RAB11FIP3: variants seen among roughly 807,000 people sequenced by gnomAD.
The protein encoded by RAB11FIP3 is RAB11 family interacting protein 3, also known as rab11 family-interacting protein 3.
A neutral mutation model predicts 77.8 loss-of-function variants in RAB11FIP3; 17 were observed. That is an observed-to-expected ratio of 0.22 (90% confidence interval 0.15 to 0.33). The LOEUF is 0.33. Ranked by LOEUF, RAB11FIP3 falls within the 10% of genes least tolerant of loss-of-function variation. RAB11FIP3 has a pLI of 1.00. For missense variants in RAB11FIP3, 1,005 were observed against 1,011.2 expected (o/e 0.99, Z 0.08); for synonymous variants, 437 against 448.2 (o/e 0.98, Z 0.31).
chr16:468,583 C>A lies in RAB11FIP3; in HGVS notation c.809-2712C>A, dbSNP rs1296336574. ...TGCAGCAGCCTGTGTTGTCTGTCAG[C>A]CCTGTCTGCGTCGAGGAGTGACCAG... On this transcript the variant is annotated intron_variant, in intron 2 of 13. Transcript: ENST00000262305. Among the ~76,000 whole-genome samples, 3 of 152,072 alleles carry A rather than the reference C, an allele frequency of 2.0e-5. 1 individual carries two copies. The highest frequency in any genetic ancestry group is 1.3e-4 in the Admixed American group (2 of 15,274).
intron 2 of RAB11FIP3, among the ~76,000 whole-genome samples, chr16:468,050 GCGTTGGAGGAGGTGCAGGGA>G (rs2055739897): frequency 4.1e-5 from 2 of 49,332 alleles, no homozygotes; most frequent in African/African-American, 7.5e-5. Flanking sequence ...AGGTGCAGGG[GCGTTGGAGGAGGTGCAGGGA>G]AGTGAGGGAG....
intron 3 of RAB11FIP3, chr16:477,517 A>G (rs1219450074): frequency 9.5e-6 from 5 of 523,578 alleles, no homozygotes; most frequent in East Asian, 3.0e-4. Flanking sequence ...AGCCTCTGAC[A>G]GACATCCTGG....
intron 4 of RAB11FIP3, among the ~76,000 whole-genome samples, chr16:488,290 G>A (rs1296307132): frequency 1.3e-5 from 2 of 152,126 alleles, no homozygotes; most frequent in Non-Finnish European, 2.9e-5. Flanking sequence ...GGAGGCAGGA[G>A]AATGACGTGA....
chr16:455,341 G>A (rs75902052), intron 1 of RAB11FIP3, among the ~76,000 whole-genome samples: 121 of 151,776 alleles, frequency 8.0e-4, no homozygotes, highest in African/African-American at 2.7e-3. Flanking sequence ...GGGCGTGGTG[G>A]CACGTGCCTG....
At chr16:491,294 TG>T (rs1225132776) in intron 5 of RAB11FIP3, 1 of 1,299,706 alleles carries the variant, frequency 7.7e-7, no homozygotes, top group East Asian at 5.6e-5. Context: ...CTGGCCTTGC[TG>T]TCTGTTCCCA....
chr16:447,695 G>A (rs2055339895), intron 1 of RAB11FIP3, among the ~76,000 whole-genome samples: 1 of 152,152 alleles, frequency 6.6e-6, no homozygotes, highest in African/African-American at 2.4e-5. Flanking sequence ...CCGAGATCGC[G>A]CCACTGCGCT....
intron 1 of RAB11FIP3, among the ~76,000 whole-genome samples, chr16:438,261 C>T (rs2055164688): frequency 6.6e-6 from 1 of 151,492 alleles, no homozygotes. Flanking sequence ...GCACGTACCA[C>T]CATGCCCGGC....
chr16:499,789 C>A, intron 6 of RAB11FIP3, among the ~76,000 whole-genome samples: 1 of 122,830 alleles, frequency 8.1e-6, no homozygotes, highest in Non-Finnish European at 1.6e-5. Context: ...CAGAGCAAGA[C>A]TGTCTCAAAA....
At chr16:483,821 G>A (rs2056095841) in intron 4 of RAB11FIP3, among the ~76,000 whole-genome samples, 1 of 151,686 alleles carries the variant, frequency 6.6e-6, no homozygotes, top group African/African-American at 2.4e-5. Context: ...TTGATTCCAA[G>A]TCTTTAGATA....
Position 461,988 on chromosome 16 carries a change from A to G in RAB11FIP3, c.808+491A>G, listed in dbSNP as rs1256484327. On this transcript the variant is annotated intron_variant, in intron 2 of 13. Coordinates refer to ENST00000262305, the MANE Select transcript of RAB11FIP3 (RefSeq NM_014700.4). The surrounding 1 kb of genome is among the most constrained non-coding windows in gnomAD (Gnocchi z 4.5). Reference sequence around the variant, plus strand: ...AGCCCGTACCACCATCGTTCCCTAGAGCTCAGTGTTTGTTTCCAGTCTTCC... The same window carrying G: ...AGCCCGTACCACCATCGTTCCCTAGGGCTCAGTGTTTGTTTCCAGTCTTCC... 1.3e-5 allele frequency among the ~76,000 whole-genome samples: 2 copies of G among 152,128 alleles called. No individual in the cohort carries two copies. Among genetic ancestry groups the G allele is most frequent in the Non-Finnish European group, 2.9e-5 (2 of 68,032 alleles).
chr16:468,226 G>GTCAGGGAGGAGGAGGTCCTGGGGCA, intron 2 of RAB11FIP3, among the ~76,000 whole-genome samples: 1 of 128,766 alleles, frequency 7.8e-6, no homozygotes, highest in Non-Finnish European at 1.7e-5. Context: ...GTGCTGGGGC[G>GTCAGGGAGGAGGAGGTCCTGGGGCA]TCAGGGAGGA....
At chr16:452,012 G>C (rs1007829167) in intron 1 of RAB11FIP3, among the ~76,000 whole-genome samples, 1 of 152,192 alleles carries the variant, frequency 6.6e-6, no homozygotes, top group African/African-American at 2.4e-5. Flanking sequence ...AGCTGGGCGT[G>C]ATGGCAGGCG....
chr16:436,050 C>G (rs1397133174), intron 1 of RAB11FIP3, among the ~76,000 whole-genome samples: 1 of 152,122 alleles, frequency 6.6e-6, no homozygotes, highest in African/African-American at 2.4e-5. Flanking sequence ...GTGACTCACA[C>G]CTGTAATCCC....
At chr16:479,573 G>C (rs1214551031) in intron 3 of RAB11FIP3, among the ~76,000 whole-genome samples, 1 of 152,034 alleles carries the variant, frequency 6.6e-6, no homozygotes, top group Non-Finnish European at 1.5e-5. Context: ...CAGGTGTGGT[G>C]GCACCTGTAG....
chr16:474,594 G>T (rs971073462), intron 3 of RAB11FIP3, among the ~76,000 whole-genome samples: 38 of 152,226 alleles, frequency 2.5e-4, no homozygotes, highest in African/African-American at 8.7e-4. Flanking sequence ...AGTGTAAGGC[G>T]CATCTCACAG....
intron 3 of RAB11FIP3, among the ~76,000 whole-genome samples, chr16:477,463 G>A (rs1026110503): frequency 3.3e-5 from 5 of 152,144 alleles, no homozygotes; most frequent in African/African-American, 4.8e-5. Context: ...GGACCTGTGC[G>A]CTGGGCTTCG....
At chr16:518,484 T>C (rs1255237929) in intron 9 of RAB11FIP3, among the ~76,000 whole-genome samples, 2 of 151,836 alleles carry the variant, frequency 1.3e-5, no homozygotes, top group Non-Finnish European at 2.9e-5. Context: ...CACAGCACTT[T>C]GGGAGGCTGA....
chr16:519,023 A>T lies in RAB11FIP3; in HGVS notation c.1721A>T (p.Glu574Val), dbSNP rs746624760. 8.1e-6 allele frequency: 13 copies of T among 1,613,006 alleles called. No individual in the cohort carries two copies. The African/African-American group carries it at 1.6e-4, about 20-fold the overall frequency. ...AAGGCCAACATTGAGCGTCTGGAGG[A>T]GGTGAGCTGCCAACAGCCTGGAGCT... ...CLKANIERLE[E>V]EKQKLLDEIE... is the part of the protein sequence containing the mutation. The change falls in exon 10 of 14, where the codon GAG (glutamate) becomes GTG (valine). Residue 574 changes from glutamate to valine, a missense_variant and splice_region_variant. Around this residue, in one of 4 missense-constraint regions of RAB11FIP3, gnomAD observed 433 missense variants for 436.1 expected, o/e 0.99. Transcript: ENST00000262305.
chr16:503,907 A>T (rs1019124616), intron 7 of RAB11FIP3, among the ~76,000 whole-genome samples: 4 of 136,374 alleles, frequency 2.9e-5, no homozygotes, highest in African/African-American at 5.6e-5. Flanking sequence ...ACCTTCTGTG[A>T]CCCCTTCACT....
Sources: gnomAD v4.1 joint callset for allele counts (sites outside exome capture counted in the v4.1 genomes callset) on GRCh38, gnomAD v4.1.1 for gene constraint, gnomAD v4.1.1 regional missense constraint, Gnocchi (gnomAD v3.1) non-coding constraint, MANE v1.5 for transcripts, NCBI Gene and HGNC (gene_info 2026-07-23, HGNC 2026-07-21) for gene names.